CNGA3: variants seen among roughly 807,000 people sequenced by gnomAD.
CNGA3 encodes the protein cyclic nucleotide gated channel subunit alpha 3, also known as cyclic nucleotide-gated channel alpha-3.
CNGA3 carries 42 observed loss-of-function variants against 46.6 expected under a neutral mutation model. That is an observed-to-expected ratio of 0.90 (90% CI 0.70 to 1.17). The LOEUF (loss-of-function observed/expected upper bound fraction) is 1.17, where lower values mean the gene tolerates loss of function less well. Among genes scored for constraint, CNGA3 ranks in the 50% most tolerant of loss-of-function variants. The pLI, the probability that CNGA3 is intolerant of heterozygous loss-of-function variation, is 0.00. For missense variants in CNGA3, 893 were observed against 890.7 expected, an observed-to-expected ratio of 1.00 and a Z score of -0.03; for synonymous variants, 394 against 369.4, an observed-to-expected ratio of 1.07 and a Z score of -0.76.
At chr2:98,370,965 C>T (rs1389793447) in intron 2 of CNGA3, among the ~76,000 whole-genome samples, 2 of 152,154 alleles carry the variant, frequency 1.3e-5, no homozygotes, top group African/African-American at 4.8e-5. Flanking sequence ...GCTGGAATTA[C>T]AGGCACCCAC....
intron 6 of CNGA3, among the ~76,000 whole-genome samples, chr2:98,390,492 C>G (rs946255451): frequency 1.2e-4 from 18 of 152,096 alleles, no homozygotes; most frequent in Admixed American, 1.2e-3. Context: ...GAGGGCCTCT[C>G]CTAGGAAACC....
At position 98,392,357 on chromosome 2, in the gene CNGA3, C is replaced by T. The variant is rs547002966; in HGVS notation, c.673+387C>T. Among the ~76,000 whole-genome samples, 41 of 152,142 alleles carry T rather than the reference C, an allele frequency of 2.7e-4. No individual in the cohort carries two copies. In the South Asian group the frequency reaches 8.3e-3, roughly 31 times the overall value. On this transcript the variant is annotated intron_variant, in intron 7 of 7. Coordinates refer to ENST00000272602, the MANE Select transcript of CNGA3 (RefSeq NM_001298.3). ...GACAGATTACTGGAGGTCAGGAGTT[C>T]GAGACCAGCCTGGCCAACATGGTGA...
chr2:98,347,802 G>A (rs936433062), intron 1 of CNGA3, among the ~76,000 whole-genome samples: 1 of 152,242 alleles, frequency 6.6e-6, no homozygotes, highest in Non-Finnish European at 1.5e-5. Flanking sequence ...CTCCATCCCG[G>A]AGTGGACAGC....
intron 2 of CNGA3, among the ~76,000 whole-genome samples, chr2:98,371,456 A>C (rs1015266205): frequency 6.6e-6 from 1 of 152,138 alleles, no homozygotes; most frequent in African/African-American, 2.4e-5. Context: ...TTTCAAAGAG[A>C]TTGAGTCCCC....
At chr2:98,387,657 A>G (rs1384240113) in intron 5 of CNGA3, among the ~76,000 whole-genome samples, 1 of 152,226 alleles carries the variant, frequency 6.6e-6, no homozygotes, top group African/African-American at 2.4e-5. Context: ...GCAGCCCAGC[A>G]AAGTCCGAAG....
At position 98,397,581 on chromosome 2, in the gene CNGA3, T is replaced by C. The variant is rs568917445; in HGVS notation, c.*326T>C. On this transcript the variant is annotated 3_prime_UTR_variant, in exon 8 of 8. Transcript: ENST00000272602. ...TTACTTTTTTATGGAATCTGCAAGG[T>C]GTTTTTAGGCTTTTTAATCTGATTT... The C allele has an allele frequency of 7.6e-6, 3 of 396,868 alleles. No individual in the cohort carries two copies. Among genetic ancestry groups the C allele is most frequent in the Non-Finnish European group, 1.4e-5 (3 of 216,822 alleles). The allele number at this position is 396,868 out of a possible 1,614,324, so 24.6% of individuals were successfully genotyped here.
Position 98,397,072 on chromosome 2 carries a change from G to A in CNGA3, c.1902G>A (p.Gly634=). ...KDLEEKVEQL[G]SSLDTLQTRF... Reference sequence around the variant, plus strand: ...TTGAGGAGAAAGTGGAGCAGCTGGGGTCCTCCCTGGACACCCTGCAGACCA... The same window carrying A: ...TTGAGGAGAAAGTGGAGCAGCTGGGATCCTCCCTGGACACCCTGCAGACCA... The change falls in exon 8 of 8, where the codon GGG becomes GGA. Residue 634 remains glycine, a synonymous_variant. Transcript: ENST00000272602. The A allele has an allele frequency of 1.2e-6, 2 of 1,614,138 alleles. No individual in the cohort carries two copies. The highest frequency in any genetic ancestry group is 1.7e-6 in the Non-Finnish European group (2 of 1,180,020).
At chr2:98,356,934 A>G (rs979699172) in intron 1 of CNGA3, among the ~76,000 whole-genome samples, 2 of 152,232 alleles carry the variant, frequency 1.3e-5, no homozygotes, top group African/African-American at 4.8e-5. Flanking sequence ...TCATTCACAC[A>G]ATCATTGTGA....
Position 98,346,532 on chromosome 2 carries a change from A to G in CNGA3, c.-40A>G, listed in dbSNP as rs1325780813. ...GCCGCGGAGAAGCTCAAACTTTGGC[A>G]GGGTAAGGATTTTTAGGGGCTCTTG... On this transcript the variant is annotated splice_region_variant and 5_prime_UTR_variant, in exon 1 of 8. Transcript: ENST00000272602. 2 of 397,872 alleles carry G rather than the reference A, an allele frequency of 5.0e-6. No individual in the cohort carries two copies. Among genetic ancestry groups the G allele is most frequent in the Non-Finnish European group, 8.9e-6 (2 of 225,822 alleles). The allele number at this position is 397,872 out of a possible 1,614,324, so 24.6% of individuals were successfully genotyped here.
intron 1 of CNGA3, among the ~76,000 whole-genome samples, chr2:98,363,101 G>A (rs62156308): frequency 0.053 from 8,110 of 152,168 alleles, 291 homozygotes; most frequent in Non-Finnish European, 0.082. Flanking sequence ...CTCCAGCTTT[G>A]TTCTTTTTGT....
At chr2:98,347,333 C>T (rs1213951893) in intron 1 of CNGA3, among the ~76,000 whole-genome samples, 1 of 152,162 alleles carries the variant, frequency 6.6e-6, no homozygotes, top group African/African-American at 2.4e-5. Context: ...TCTGCAATCC[C>T]CTAACCGGAT....
intron 1 of CNGA3, among the ~76,000 whole-genome samples, chr2:98,362,518 T>A (rs1574363827): frequency 6.6e-6 from 1 of 152,058 alleles, no homozygotes; most frequent in Middle Eastern, 3.4e-3. Context: ...TTCTTGCAAA[T>A]TCATTTAAGT....
chr2:98,379,508 G>T (rs1020657576), intron 3 of CNGA3, among the ~76,000 whole-genome samples: 4 of 152,154 alleles, frequency 2.6e-5, no homozygotes, highest in African/African-American at 9.7e-5. Context: ...TCTAGGGACT[G>T]GCACTGTGGT....
intron 1 of CNGA3, among the ~76,000 whole-genome samples, chr2:98,362,507 T>C (rs1030023496): frequency 6.6e-6 from 1 of 152,106 alleles, no homozygotes; most frequent in Admixed American, 6.6e-5. Context: ...TTGTTTTTTT[T>C]TTCTTGCAAA....
In CNGA3 at chr2:98,396,520, G is replaced by C; in HGVS notation, c.1350G>C (p.Thr450=). 6.2e-7 allele frequency: 1 copy of C among 1,613,998 alleles called. No homozygotes were observed. Among genetic ancestry groups the C allele is most frequent in the Non-Finnish European group, 8.5e-7 (1 of 1,180,024 alleles). ...WFDYLWANKK[T]VDEKEVLKSL... is the part of the protein sequence containing the mutation. ...ACTACCTGTGGGCCAACAAGAAGAC[G>C]GTGGATGAGAAGGAGGTGCTCAAGA... Residue 450 remains threonine, a synonymous_variant, in exon 8 of 8, where the codon ACG becomes ACC. Coordinates refer to ENST00000272602, the MANE Select transcript of CNGA3 (RefSeq NM_001298.3).
Position 98,369,962 on chromosome 2 carries a change from G to A in CNGA3, c.-14G>A, listed in dbSNP as rs1412410705. 6.2e-7 allele frequency: 1 copy of A among 1,609,020 alleles called. No homozygotes were observed. Among genetic ancestry groups the A allele is most frequent in the Admixed American group, 1.7e-5 (1 of 59,854 alleles). On this transcript the variant is annotated 5_prime_UTR_variant, in exon 2 of 8. It removes the in-frame stop codon of an upstream open reading frame in the 5' UTR. Coordinates refer to ENST00000272602, the MANE Select transcript of CNGA3 (RefSeq NM_001298.3). ...AGCAATCATCTGGGGGGCTAAATGTGACAAACCGAGAAGATGGCCAAGATC... is the reference window on the plus strand; with the variant it reads ...AGCAATCATCTGGGGGGCTAAATGTAACAAACCGAGAAGATGGCCAAGATC...
intron 2 of CNGA3, among the ~76,000 whole-genome samples, chr2:98,376,711 G>A (rs949773444): frequency 2.0e-5 from 3 of 152,122 alleles, no homozygotes; most frequent in African/African-American, 7.2e-5. Flanking sequence ...AGGCTAATTG[G>A]GTTGGAACAG....
chr2:98,350,566 G>T (rs933181268), intron 1 of CNGA3, among the ~76,000 whole-genome samples: 1 of 152,140 alleles, frequency 6.6e-6, no homozygotes, highest in African/African-American at 2.4e-5. Context: ...TTTTTACAAA[G>T]CAGCAATTCC....
chr2:98,386,133 T>G (rs1692648525), intron 5 of CNGA3, among the ~76,000 whole-genome samples: 1 of 152,234 alleles, frequency 6.6e-6, no homozygotes, highest in East Asian at 1.9e-4. Flanking sequence ...TGGTACATAG[T>G]AAGTGCTCAA....
Sources: allele counts gnomAD v4.1 joint callset (sites outside exome capture counted in the v4.1 genomes callset), GRCh38; gene constraint gnomAD v4.1.1; transcripts MANE v1.5; gene names NCBI Gene and HGNC (gene_info 2026-07-23, HGNC 2026-07-21).